The following ADORA2A variants were observed in gnomAD, a reference collection of about 807,000 sequenced individuals.
The protein encoded by ADORA2A is adenosine A2a receptor, also known as adenosine receptor A2a.
Under a neutral mutation model 18.4 loss-of-function variants are expected in ADORA2A, and 11 were observed. The observed-to-expected ratio is 0.60, with a 90% CI of 0.38 to 0.99. The LOEUF (loss-of-function observed/expected upper bound fraction) is 0.99, where lower values mean the gene tolerates loss of function less well. Among genes scored for constraint, ADORA2A ranks in the 50% least tolerant of loss-of-function variants. The pLI, the probability that ADORA2A is intolerant of heterozygous loss-of-function variation, is 0.01. For synonymous variants in ADORA2A, 218 were observed against 237.3 expected (o/e 0.92, Z 0.75); for missense variants, 449 against 556.1 (o/e 0.81, Z 1.94).
Position 24,433,573 on chromosome 22 carries a change from G to A in ADORA2A, c.169G>A (p.Val57Met). The change falls in exon 2 of 3, where the codon GTG becomes ATG. Residue 57 changes from valine (V) to methionine (M), a missense_variant. Coordinates refer to ENST00000337539, the MANE Select transcript of ADORA2A (RefSeq NM_000675.6). ...SLAAADIAVG[V>M]LAIPFAITIS... Reference sequence around the variant, plus strand: ...GGCGGCGGCCGACATCGCAGTGGGTGTGCTCGCCATCCCCTTTGCCATCAC... The same window carrying A: ...GGCGGCGGCCGACATCGCAGTGGGTATGCTCGCCATCCCCTTTGCCATCAC... 6.2e-7 allele frequency: 1 copy of A among 1,614,140 alleles called. No individual in the cohort carries two copies. The highest frequency in any genetic ancestry group is 2.2e-5 in the East Asian group (1 of 44,888).
At chr22:24,431,694 G>A in intron 1 of ADORA2A, 1 of 355,806 alleles carries the variant, frequency 2.8e-6, no homozygotes, top group South Asian at 2.1e-5. Context: ...GGATTGGAGG[G>A]GGTAGATTTG....
chr22:24,430,918 C>CTGGAGTCCACCTTGG, intron 1 of ADORA2A: 1 of 356,174 alleles, frequency 2.8e-6, no homozygotes, highest in Non-Finnish European at 5.6e-6. Flanking sequence ...GCTGGTGGTG[C>CTGGAGTCCACCTTGG]TGGGCCTGGG....
intron 1 of ADORA2A, among the ~76,000 whole-genome samples, chr22:24,428,439 C>T (rs1049846580): frequency 3.3e-5 from 5 of 152,234 alleles, no homozygotes; most frequent in African/African-American, 1.2e-4. Context: ...ACATCCCTTA[C>T]TTCAGTCCTT....
At chr22:24,426,301 C>T (rs1461970679), upstream of ADORA2A, among the ~76,000 whole-genome samples, 1 of 152,214 alleles carries the variant, frequency 6.6e-6, no homozygotes, top group Non-Finnish European at 1.5e-5. Flanking sequence ...GCAGCGCAAA[C>T]AGAGCCCTGA....
rs2146890745 is a variant in ADORA2A, at chr22:24,433,620, T to A, written c.216T>A (p.Ala72=). The A allele has an allele frequency of 6.2e-7, 1 of 1,613,948 alleles. No homozygotes were observed. The highest frequency in any genetic ancestry group is 8.5e-7 in the Non-Finnish European group (1 of 1,180,022). Reference sequence around the variant, plus strand: ...TCACCATCAGCACCGGGTTCTGCGCTGCCTGCCACGGCTGCCTCTTCATTG... The same window carrying A: ...TCACCATCAGCACCGGGTTCTGCGCAGCCTGCCACGGCTGCCTCTTCATTG... ...FAITISTGFC[A]ACHGCLFIAC... Residue 72 remains alanine, a synonymous_variant, in exon 2 of 3, where the codon GCT becomes GCA. Coordinates refer to ENST00000337539, the MANE Select transcript of ADORA2A (RefSeq NM_000675.6).
chr22:24,424,973 T>C (rs1255829024), upstream of ADORA2A, among the ~76,000 whole-genome samples: 1 of 152,036 alleles, frequency 6.6e-6, no homozygotes, highest in Non-Finnish European at 1.5e-5. This position sits in a 1 kb window ranked among gnomAD's most constrained non-coding sequence, Gnocchi z 4.9. Context: ...CGCAGGTGTT[T>C]GTGGCCCTTG....
At chr22:24,426,243 G>A (rs1348271749), upstream of ADORA2A, among the ~76,000 whole-genome samples, 8 of 152,344 alleles carry the variant, frequency 5.3e-5, no homozygotes, top group East Asian at 1.5e-3. Flanking sequence ...CCCCAAATGA[G>A]CTAGAACTGC....
At chr22:24,430,659 G>A (rs1057141329) in intron 1 of ADORA2A, among the ~76,000 whole-genome samples, 2 of 152,254 alleles carry the variant, frequency 1.3e-5, no homozygotes, top group Non-Finnish European at 2.9e-5. Flanking sequence ...GATGGGACTG[G>A]GGAGTCCTCC....
chr22:24,430,849 G>C (rs1048983201), intron 1 of ADORA2A: 3 of 343,548 alleles, frequency 8.7e-6, no homozygotes, highest in Non-Finnish European at 1.7e-5. Context: ...AGGATCCCTG[G>C]GTAGAGGCGG....
intron 2 of ADORA2A, among the ~76,000 whole-genome samples, chr22:24,437,698 A>G (rs2043214404): frequency 6.6e-6 from 1 of 152,256 alleles, no homozygotes; most frequent in Non-Finnish European, 1.5e-5. Flanking sequence ...TTCTTTGCAT[A>G]TATAAGCAAG....
chr22:24,426,761 C>A (rs534765991), upstream of ADORA2A, among the ~76,000 whole-genome samples: 2 of 152,238 alleles, frequency 1.3e-5, no homozygotes, highest in East Asian at 3.9e-4. Flanking sequence ...GCCCCTCGTC[C>A]CAGCACAGGG....
intron 1 of ADORA2A, among the ~76,000 whole-genome samples, chr22:24,428,846 T>C (rs1254709535): frequency 6.6e-6 from 1 of 152,246 alleles, no homozygotes; most frequent in Admixed American, 6.5e-5. Flanking sequence ...CCCTGCCATA[T>C]GCTCAGATGG....
Position 24,428,342 on chromosome 22 carries a change from T to G in ADORA2A, c.-275+596T>G, listed in dbSNP as rs534318298. On this transcript the variant is annotated intron_variant, in intron 1 of 2. Transcript: ENST00000337539. Reference sequence around the variant, plus strand: ...CAACCGTTTCCTCCTAGACTAGGTCTCTTCATGGCGTTTCTGGGAGAATTC... The same window carrying G: ...CAACCGTTTCCTCCTAGACTAGGTCGCTTCATGGCGTTTCTGGGAGAATTC... Among the ~76,000 whole-genome samples, 3 of 152,388 alleles carry G rather than the reference T, an allele frequency of 2.0e-5. No individual in the cohort carries two copies. In the South Asian group the frequency reaches 6.2e-4, roughly 32 times the overall value.
Position 24,441,248 on chromosome 22 carries a change from A to G in ADORA2A, c.998A>G (p.Gln333Arg). ...VLAAHGSDGEQVSLRLNGHPP... is the reference protein window; with the variant it reads ...VLAAHGSDGERVSLRLNGHPP... ...GCAGCTCATGGCAGTGACGGAGAGC[A>G]GGTCAGCCTCCGTCTCAACGGCCAC... The change falls in exon 3 of 3, where the codon CAG (glutamine) becomes CGG (arginine). Residue 333 changes from glutamine to arginine, a missense_variant. Physicochemically the swap from Gln to Arg is conservative, Grantham distance 43. Transcript: ENST00000337539. 2 of 1,613,584 alleles carry G rather than the reference A, an allele frequency of 1.2e-6. No homozygotes were observed. The highest frequency in any genetic ancestry group is 1.7e-6 in the Non-Finnish European group (2 of 1,179,974).
intron 2 of ADORA2A, among the ~76,000 whole-genome samples, chr22:24,440,172 T>A (rs1261959653): frequency 6.6e-6 from 1 of 152,094 alleles, no homozygotes; most frequent in Non-Finnish European, 1.5e-5. Flanking sequence ...CTGATCTTGG[T>A]TAAGGCTGCG....
At position 24,440,655 on chromosome 22, in the gene ADORA2A, C is replaced by T. The variant is rs139833983; in HGVS notation, c.405C>T (p.Ile135=). The change falls in exon 3 of 3, where the codon ATC becomes ATT. Residue 135 remains isoleucine, a synonymous_variant. Transcript: ENST00000337539. ...TCTGCTGGGTGCTGTCGTTTGCCAT[C>T]GGCCTGACTCCCATGCTAGGTTGGA... is the stretch of plus-strand genomic sequence containing the variant. ...IAICWVLSFA[I]GLTPMLGWNN... is the part of the protein sequence containing the mutation. 2.3e-5 allele frequency: 37 copies of T among 1,609,260 alleles called. No individual in the cohort carries two copies. The highest frequency in any genetic ancestry group is 2.9e-5 in the Non-Finnish European group (34 of 1,176,552).
At chr22:24,427,896 G>A (rs1344311864) in intron 1 of ADORA2A, 150 bp downstream of exon 1, 1 of 152,414 alleles carries the variant, frequency 6.6e-6, no homozygotes, top group Non-Finnish European at 1.5e-5. Flanking sequence ...CAGGCTCAGA[G>A]CCTTAGCCTC....
intron 1 of ADORA2A, chr22:24,431,668 G>A (rs898796185): frequency 1.9e-5 from 7 of 367,618 alleles, no homozygotes; most frequent in African/African-American, 1.5e-4. Flanking sequence ...CACTCATAGG[G>A]CCCCATGAGG....
At position 24,430,854 on chromosome 22, in the gene ADORA2A, A is replaced by T. The variant is rs2043013877; in HGVS notation, c.-274-2277A>T. The stretch of plus-strand genomic sequence containing the variant: ...GGTGGGAGGCAGGATCCCTGGGTAG[A>T]GGCGGCTCCTCAGTGGCCCACTGGG... On this transcript the variant is annotated intron_variant, in intron 1 of 2. Transcript: ENST00000337539. 4.7e-5 allele frequency: 16 copies of T among 343,146 alleles called. 2 individuals are homozygous for T. The highest frequency in any genetic ancestry group is 3.6e-4 in the South Asian group (16 of 44,600). The allele number at this position is 343,146 out of a possible 1,614,324, so 21.3% of individuals were successfully genotyped here.
Sources: gnomAD v4.1 joint callset for allele counts (sites outside exome capture counted in the v4.1 genomes callset) on GRCh38, gnomAD v4.1.1 for gene constraint, Gnocchi (gnomAD v3.1) non-coding constraint, MANE v1.5 for transcripts, NCBI Gene and HGNC (gene_info 2026-07-23, HGNC 2026-07-21) for gene names.